SCN11A: variants seen among roughly 807,000 people sequenced by gnomAD.
The protein encoded by SCN11A is sodium channel protein type 11 subunit alpha.
SCN11A carries 122 observed loss-of-function variants against 162.2 expected under a neutral mutation model. The observed-to-expected ratio is 0.75, with a 90% CI of 0.65 to 0.87. The LOEUF is 0.87. Ranked by LOEUF, SCN11A falls within the 40% of genes least tolerant of loss-of-function variation. The pLI, the probability that SCN11A is intolerant of heterozygous loss-of-function variation, is 0.00. For synonymous variants in SCN11A, 758 were observed against 751.5 expected, an observed-to-expected ratio of 1.01 and a Z score of -0.14; for missense variants, 2,015 against 2,181.6, an observed-to-expected ratio of 0.92 and a Z score of 1.52.
At chr3:38,869,647 C>T (rs968762096) in intron 26 of SCN11A, among the ~76,000 whole-genome samples, 3 of 152,100 alleles carry the variant, frequency 2.0e-5, no homozygotes, top group Non-Finnish European at 2.9e-5. Context: ...TCTTATCCCT[C>T]GGTGCTGCTA....
At chr3:38,879,312 T>TA (rs1166560344) in intron 23 of SCN11A, among the ~76,000 whole-genome samples, 6 of 152,172 alleles carry the variant, frequency 3.9e-5, no homozygotes, top group Non-Finnish European at 8.8e-5. Context: ...AAGCACTCAA[T>TA]AAATGTGATC....
At chr3:39,004,893 A>G (rs192334894) in intron 2 of SCN11A, among the ~76,000 whole-genome samples, 1 of 152,312 alleles carries the variant, frequency 6.6e-6, no homozygotes, top group East Asian at 1.9e-4. Flanking sequence ...AACCTCTGAG[A>G]CACCGAATTG....
chr3:39,001,810 G>A (rs13092101), intron 2 of SCN11A, among the ~76,000 whole-genome samples: 13,713 of 152,082 alleles, frequency 0.09, 744 homozygotes, highest in Admixed American at 0.14. Flanking sequence ...CAAGGTGGGC[G>A]GATCACGAGG....
rs1198292747 is a variant in SCN11A at position 38,975,011 on chromosome 3, C to T, written c.-279-14588G>A. The stretch of plus-strand genomic sequence containing the variant: ...TGTACCAATGAACGGCAATTTAATT[C>T]TTGGCTGATACCTCAATATCAATAA... On this transcript the variant is annotated intron_variant, in intron 2 of 29. Coordinates refer to ENST00000302328, the MANE Select transcript of SCN11A (RefSeq NM_001349253.2). Among the ~76,000 whole-genome samples, 3 of 151,112 alleles carry T rather than the reference C, an allele frequency of 2.0e-5. 1 individual carries two copies. In the South Asian group the frequency reaches 6.3e-4, roughly 32 times the overall value.
At chr3:38,954,543 A>T (rs894592389) in intron 3 of SCN11A, among the ~76,000 whole-genome samples, 1 of 152,198 alleles carries the variant, frequency 6.6e-6, no homozygotes, top group Non-Finnish European at 1.5e-5. Flanking sequence ...TTCTTAAGAA[A>T]GAGAAACTTG....
chr3:38,950,782 C>A (rs73828751), intron 4 of SCN11A, among the ~76,000 whole-genome samples: 1 of 152,162 alleles, frequency 6.6e-6, no homozygotes, highest in Non-Finnish European at 1.5e-5. Flanking sequence ...GAAAAAGGAA[C>A]AGGGAATTGA....
At chr3:38,999,480 T>C (rs909967679) in intron 2 of SCN11A, among the ~76,000 whole-genome samples, 1 of 152,236 alleles carries the variant, frequency 6.6e-6, no homozygotes, top group African/African-American at 2.4e-5. Flanking sequence ...TTTCTAATTA[T>C]CCCCTTTTGA....
intron 4 of SCN11A, among the ~76,000 whole-genome samples, chr3:38,951,368 G>C (rs941755364): frequency 2.0e-5 from 3 of 152,248 alleles, no homozygotes; most frequent in Non-Finnish European, 4.4e-5. Flanking sequence ...ATTTCTCACC[G>C]GGCCTTAGCT....
intron 2 of SCN11A, among the ~76,000 whole-genome samples, chr3:38,988,016 G>A (rs2030320270): frequency 6.6e-6 from 1 of 151,702 alleles, no homozygotes; most frequent in African/African-American, 2.4e-5. Flanking sequence ...TCCAGGACTA[G>A]CTACATAATT....
At position 38,847,342 on chromosome 3, in the gene SCN11A, G is replaced by A; in HGVS notation, c.4728C>T (p.Leu1576=). 6.2e-7 allele frequency: 1 copy of A among 1,614,210 alleles called. No individual in the cohort carries two copies. The highest frequency in any genetic ancestry group is 8.5e-7 in the Non-Finnish European group (1 of 1,180,014). ...SCNSSSENCH[L]PGIATSYFVS... The stretch of plus-strand genomic sequence containing the variant: ...CAAAGTAGGATGTGGCTATGCCAGG[G>A]AGGTGGCAGTTTTCTGAGGAAGAGT... Residue 1576 remains leucine, a synonymous_variant, in exon 30 of 30, where the codon CTC becomes CTT. Transcript: ENST00000302328.
At chr3:38,986,700 A>T (rs577112683) in intron 2 of SCN11A, among the ~76,000 whole-genome samples, 6 of 152,234 alleles carry the variant, frequency 3.9e-5, no homozygotes, top group South Asian at 2.1e-4. Context: ...GAGATCAACC[A>T]TGTTGGAGAG....
Position 38,897,192 on chromosome 3 carries a change from T to C in SCN11A, c.2056A>G (p.Thr686Ala), listed in dbSNP as rs758607240. 6.2e-7 allele frequency: 1 copy of C among 1,612,310 alleles called. No individual in the cohort carries two copies. Among genetic ancestry groups the C allele is most frequent in the Non-Finnish European group, 8.5e-7 (1 of 1,179,110 alleles). Reference protein sequence around the residue: ...RVFKLAKSWPTLNTLIKIIGN... With the variant: ...RVFKLAKSWPALNTLIKIIGN... ...ATTATCTTAATTAGTGTGTTCAAAG[T>C]TGGCCAGGATTTGGCTAACTTGAAG... is the stretch of plus-strand genomic sequence containing the variant. The change falls in exon 18 of 30, where the codon ACT (threonine) becomes GCT (alanine). Residue 686 changes from threonine (T) to alanine (A), a missense_variant. Thr to Ala is a moderately conservative substitution (Grantham distance 58, BLOSUM62 0). Coordinates refer to ENST00000302328, the MANE Select transcript of SCN11A (RefSeq NM_001349253.2).
chr3:38,936,108 A>C (rs2066327152), intron 7 of SCN11A, among the ~76,000 whole-genome samples: 1 of 151,776 alleles, frequency 6.6e-6, no homozygotes, highest in African/African-American at 2.4e-5. Flanking sequence ...AACAGAACCA[A>C]AGACAAAAAC....
intron 2 of SCN11A, among the ~76,000 whole-genome samples, chr3:39,002,383 G>T (rs1194919309): frequency 6.6e-6 from 1 of 152,216 alleles, no homozygotes; most frequent in Non-Finnish European, 1.5e-5. Flanking sequence ...GAAGTAAAAA[G>T]AGCTGAGTTT....
chr3:39,006,960 A>G (rs73064248), intron 2 of SCN11A, among the ~76,000 whole-genome samples: 15,006 of 152,234 alleles, frequency 0.099, 1,010 homozygotes, highest in East Asian at 0.22. Context: ...AGACATAGAA[A>G]AAAAGTGGTG....
chr3:38,976,182 C>T (rs1666809980), intron 2 of SCN11A, among the ~76,000 whole-genome samples: 2 of 152,112 alleles, frequency 1.3e-5, no homozygotes, highest in South Asian at 2.1e-4. Context: ...AAATAACAAT[C>T]CAGTTACATG....
At chr3:39,027,508 A>G (rs2031618164) in intron 2 of SCN11A, among the ~76,000 whole-genome samples, 1 of 152,208 alleles carries the variant, frequency 6.6e-6, no homozygotes, top group Non-Finnish European at 1.5e-5. Flanking sequence ...AGTGTAGGTA[A>G]GAAAAGAAGG....
At chr3:39,047,090 G>A (rs6795285) in intron 1 of SCN11A, among the ~76,000 whole-genome samples, 3,693 of 124,040 alleles carry the variant, frequency 0.03, 218 homozygotes, top group African/African-American at 0.11. Flanking sequence ...TTAAGACTGG[G>A]TCTTGCTATG....
chr3:38,957,171 A>C (rs775792321), intron 3 of SCN11A, among the ~76,000 whole-genome samples: 5 of 152,186 alleles, frequency 3.3e-5, no homozygotes, highest in Non-Finnish European at 7.3e-5. Context: ...TGGGCATAGT[A>C]GTTCAAAGAA....
Sources: allele counts gnomAD v4.1 joint callset (sites outside exome capture counted in the v4.1 genomes callset), GRCh38; gene constraint gnomAD v4.1.1; transcripts MANE v1.5; gene names NCBI Gene and HGNC (gene_info 2026-07-23, HGNC 2026-07-21).